Variants in DAAM2 observed in about 807,000 individuals in gnomAD.
DAAM2 encodes the protein disheveled-associated activator of morphogenesis 2.
DAAM2 carries 39 observed loss-of-function variants against 120.7 expected under a neutral mutation model. That is an observed-to-expected ratio of 0.32 (90% CI 0.25 to 0.42). The LOEUF is 0.42. Ranked by LOEUF, DAAM2 falls within the 10% of genes least tolerant of loss-of-function variation. The pLI is 1.00. For synonymous variants in DAAM2, 488 were observed against 524.9 expected, an observed-to-expected ratio of 0.93 and a Z score of 0.96; for missense variants, 1,283 against 1,401.7, an observed-to-expected ratio of 0.92 and a Z score of 1.35.
intron 9 of DAAM2, among the ~76,000 whole-genome samples, chr6:39,872,540 T>A (rs1460363062): frequency 6.6e-6 from 1 of 152,192 alleles, no homozygotes; most frequent in East Asian, 1.9e-4. Flanking sequence ...TAAATTGTAT[T>A]TTCATTTTAA....
At position 39,860,369 on chromosome 6, in the gene DAAM2, G is replaced by C. The variant is rs374727011; in HGVS notation, c.169-559G>C. On this transcript the variant is annotated intron_variant, in intron 2 of 24. Coordinates refer to ENST00000274867, the MANE Select transcript of DAAM2 (RefSeq NM_001201427.2). ...CCCATCCTACTCTGAGCAGCCCCTT[G>C]TCCTCACCAGCTCTCTCCAGCCTGT... Among the ~76,000 whole-genome samples, 5 of 152,314 alleles carry C rather than the reference G, an allele frequency of 3.3e-5. No homozygotes were observed. The East Asian group carries it at 9.6e-4, about 29-fold the overall frequency.
intron 1 of DAAM2, among the ~76,000 whole-genome samples, chr6:39,843,457 G>A (rs1264287727): frequency 2.0e-5 from 3 of 152,198 alleles, no homozygotes; most frequent in Admixed American, 6.5e-5. Context: ...GACTGTGGGT[G>A]ACATTTTTGG....
At chr6:39,853,510 T>A (rs1020560142) in intron 1 of DAAM2, among the ~76,000 whole-genome samples, 2 of 152,148 alleles carry the variant, frequency 1.3e-5, no homozygotes, top group African/African-American at 4.8e-5. Flanking sequence ...TCAGGGGAGA[T>A]GCTCTAATAT....
chr6:39,852,753 C>T (rs1162052725), intron 1 of DAAM2, among the ~76,000 whole-genome samples: 1 of 152,180 alleles, frequency 6.6e-6, no homozygotes, highest in Non-Finnish European at 1.5e-5. Context: ...TGGGCACTAG[C>T]TGAGAACACA....
In DAAM2 at chr6:39,901,890, A is replaced by G. The variant is rs1012631570; in HGVS notation, c.3060A>G (p.Gly1020=). Residue 1020 remains glycine (G), a synonymous_variant, in exon 25 of 25, where the codon GGA becomes GGG. Transcript: ENST00000274867. This position sits in a 1 kb window ranked among gnomAD's most constrained non-coding sequence, Gnocchi z 4.5. ...CTGCAGGCAGCTCGCTGGAGGAGGG[A>G]GGAGAGTTCGATGACCTGGTGTCGG... ...VLAAGSSLEE[G]GEFDDLVSAL... 6.2e-7 allele frequency: 1 copy of G among 1,602,662 alleles called. No homozygotes were observed. The highest frequency in any genetic ancestry group is 8.5e-7 in the Non-Finnish European group (1 of 1,171,828).
intron 1 of DAAM2, among the ~76,000 whole-genome samples, chr6:39,811,471 G>A (rs1762160022): frequency 6.6e-6 from 1 of 152,108 alleles, no homozygotes; most frequent in South Asian, 2.1e-4. Context: ...AGGCCACAGA[G>A]TAAAGGAGGG....
At chr6:39,886,509 T>C in intron 15 of DAAM2, 1 of 399,374 alleles carries the variant, frequency 2.5e-6, no homozygotes, top group Non-Finnish European at 4.4e-6. Context: ...GCTGCTGCTC[T>C]GTACTGGGCC....
rs1405474064 is a variant in DAAM2 at position 39,879,000 on chromosome 6, G to C, written c.1546-178G>C. On this transcript the variant is annotated intron_variant, in intron 13 of 24. Transcript: ENST00000274867. This position sits in a 1 kb window ranked among gnomAD's most constrained non-coding sequence, Gnocchi z 5.0. The stretch of plus-strand genomic sequence containing the variant: ...CTGTGGTGGTGGTGTGTGTGTGTTT[G>C]CGTGTGTTAGATGTTTGGATGCAGA... Among the ~76,000 whole-genome samples the C allele has an allele frequency of 6.6e-6, 1 of 152,072 alleles. No individual in the cohort carries two copies. Among genetic ancestry groups the C allele is most frequent in the Admixed American group, 6.6e-5 (1 of 15,254 alleles).
At chr6:39,815,596 G>A (rs1762283561) in intron 1 of DAAM2, among the ~76,000 whole-genome samples, 1 of 151,420 alleles carries the variant, frequency 6.6e-6, no homozygotes, top group Non-Finnish European at 1.5e-5. Context: ...TGCAAACCAC[G>A]AACTCTTCTG....
In DAAM2 at chr6:39,867,652, C is replaced by T. The variant is rs1390440173; in HGVS notation, c.571C>T (p.Arg191Trp). 18 of 1,613,922 alleles carry T rather than the reference C, an allele frequency of 1.1e-5. No individual in the cohort carries two copies. Among genetic ancestry groups the T allele is most frequent in the Admixed American group, 1.7e-5 (1 of 60,010 alleles). Residue 191 changes from arginine (R) to tryptophan (W), a missense_variant, in exon 6 of 25, where the codon CGG (arginine) becomes TGG (tryptophan). This residue lies in a region of DAAM2 where 338 missense variants were observed against 443.9 expected (regional missense o/e 0.76). Transcript: ENST00000274867. ...AGCATTGATGAACAACTCCCAGGGGCGGGCACATGTGCTGGCACAGCCTGA... is the reference window on the plus strand; with the variant it reads ...AGCATTGATGAACAACTCCCAGGGGTGGGCACATGTGCTGGCACAGCCTGA... ...IKALMNNSQG[R>W]AHVLAQPEAI... is the part of the protein sequence containing the mutation.
At chr6:39,867,156 C>T (rs1764464821) in intron 5 of DAAM2, among the ~76,000 whole-genome samples, 1 of 152,200 alleles carries the variant, frequency 6.6e-6, no homozygotes, top group African/African-American at 2.4e-5. Context: ...TCTGGAAGCC[C>T]TCTTTGTTAT....
At chr6:39,877,073 T>C (rs1401800259) in intron 11 of DAAM2, among the ~76,000 whole-genome samples, 2 of 152,192 alleles carry the variant, frequency 1.3e-5, no homozygotes, top group Non-Finnish European at 2.9e-5. Flanking sequence ...GCTGGCTGCT[T>C]CCAGCTCTTC....
At chr6:39,811,174 AGTGTGTGTGTGTGTGTGTGTGT>A (rs59432565) in intron 1 of DAAM2, among the ~76,000 whole-genome samples, 10 of 146,462 alleles carry the variant, frequency 6.8e-5, no homozygotes, top group East Asian at 2.0e-4. Flanking sequence ...AACTGAAGGG[AGTGTGTGTGTGTGTGTGTGTGT>A]GTGTGTGTGT....
intron 3 of DAAM2, among the ~76,000 whole-genome samples, chr6:39,863,691 A>G (rs2504095): frequency 0.61 from 92,846 of 151,908 alleles, 28,519 homozygotes; most frequent in Middle Eastern, 0.69. Context: ...GTCAACATTA[A>G]TATTTCTTTA....
At chr6:39,877,622 AT>A (rs1326342027) in intron 11 of DAAM2, among the ~76,000 whole-genome samples, 4 of 152,088 alleles carry the variant, frequency 2.6e-5, no homozygotes, top group African/African-American at 9.7e-5. Flanking sequence ...TCGCTTTGGG[AT>A]TTCACCTCTG....
At chr6:39,887,901 C>T (rs542299696) in intron 16 of DAAM2, 14 of 332,614 alleles carry the variant, frequency 4.2e-5, no homozygotes, top group South Asian at 1.5e-4. Flanking sequence ...GCATTTCCCG[C>T]GGCTGCAGAA....
At chr6:39,898,514 G>A (rs3004069) in intron 21 of DAAM2, among the ~76,000 whole-genome samples, 73,925 of 152,088 alleles carry the variant, frequency 0.49, 18,347 homozygotes, top group Middle Eastern at 0.6. Context: ...CACTGGTATC[G>A]AATGCTATTG....
chr6:39,832,125 A>G (rs1306439155), intron 1 of DAAM2, among the ~76,000 whole-genome samples: 2 of 151,880 alleles, frequency 1.3e-5, no homozygotes, highest in African/African-American at 4.8e-5. Context: ...CTAGGGAGGC[A>G]GGTGCACTGG....
Position 39,901,840 on chromosome 6 carries a change from T to A in DAAM2, c.3010T>A (p.Trp1004Arg). 6.4e-7 allele frequency: 1 copy of A among 1,562,856 alleles called. No homozygotes were observed. ...MLKEQRERER[W>R]QRQRKVLAAG... Reference sequence around the variant, plus strand: ...GAAGGAGCAGAGGGAACGTGAGCGGTGGCAGCGGCAGCGGAAGGTCCTGGC... The same window carrying A: ...GAAGGAGCAGAGGGAACGTGAGCGGAGGCAGCGGCAGCGGAAGGTCCTGGC... Residue 1004 changes from tryptophan to arginine, a missense_variant, in exon 25 of 25, where the codon TGG becomes AGG. Transcript: ENST00000274867. This position sits in a 1 kb window ranked among gnomAD's most constrained non-coding sequence, Gnocchi z 4.5.
Sources: gnomAD v4.1 joint callset for allele counts (sites outside exome capture counted in the v4.1 genomes callset) on GRCh38, gnomAD v4.1.1 for gene constraint, gnomAD v4.1.1 regional missense constraint, Gnocchi (gnomAD v3.1) non-coding constraint, MANE v1.5 for transcripts, NCBI Gene and HGNC (gene_info 2026-07-23, HGNC 2026-07-21) for gene names.